Variants in ULK4 observed in about 807,000 individuals in gnomAD.
The protein encoded by ULK4 is unc-51 like kinase 4.
Under a neutral mutation model 160.6 loss-of-function variants are expected in ULK4, and 133 were observed. The ratio of observed to expected loss-of-function variants is 0.83; its 90% CI spans 0.72 to 0.96. The LOEUF is 0.96. Ranked by LOEUF, ULK4 falls within the 40% of genes least tolerant of loss-of-function variation. The probability of loss-of-function intolerance (pLI) is 0.00; values close to 1 mark genes in which losing one functional copy is unlikely to be tolerated. For missense variants in ULK4, 1,580 were observed against 1,499.5 expected, an observed-to-expected ratio of 1.05 and a Z score of -0.89; for synonymous variants, 534 against 539.8, an observed-to-expected ratio of 0.99 and a Z score of 0.15.
At chr3:41,572,749 G>A (rs2088040018) in intron 31 of ULK4, among the ~76,000 whole-genome samples, 1 of 141,476 alleles carries the variant, frequency 7.1e-6, no homozygotes, top group Non-Finnish European at 1.5e-5. Context: ...CTGGGCGACA[G>A]AGCAAGATTC....
intron 32 of ULK4, among the ~76,000 whole-genome samples, chr3:41,506,069 CA>C (rs767430114): frequency 1.9e-4 from 29 of 150,438 alleles, no homozygotes; most frequent in African/African-American, 7.1e-4. Flanking sequence ...GTGTATATAG[CA>C]AAAAAAACGA....
intron 35 of ULK4, among the ~76,000 whole-genome samples, chr3:41,324,198 A>G (rs895062531): frequency 2.0e-5 from 3 of 152,236 alleles, no homozygotes; most frequent in Non-Finnish European, 2.9e-5. Flanking sequence ...CCAAAGGGAC[A>G]TAAAGAAGAT....
In ULK4 at chr3:41,249,583, G is replaced by T; in HGVS notation, c.3679-9C>A. On this transcript the variant is annotated splice_polypyrimidine_tract_variant and intron_variant, in intron 35 of 36. Coordinates refer to ENST00000301831, the MANE Select transcript of ULK4 (RefSeq NM_017886.4). ...TTCTCATTGGAGGTGATCTGCAAGG[G>T]CAGGAGGAAGAAGACAGTGGTCAGC... 1 of 1,612,872 alleles carries T rather than the reference G, an allele frequency of 6.2e-7. No individual in the cohort carries two copies. Among genetic ancestry groups the T allele is most frequent in the Non-Finnish European group, 8.5e-7 (1 of 1,179,434 alleles).
chr3:41,567,070 C>A (rs1261951765), intron 31 of ULK4, among the ~76,000 whole-genome samples: 1 of 152,086 alleles, frequency 6.6e-6, no homozygotes, highest in South Asian at 2.1e-4. Context: ...AGTCCAACCC[C>A]GAAAAGCAAC....
chr3:41,420,411 T>C (rs568444437), intron 34 of ULK4, among the ~76,000 whole-genome samples: 11 of 151,546 alleles, frequency 7.3e-5, no homozygotes, highest in Non-Finnish European at 1.5e-4. Flanking sequence ...ACCTTTATTT[T>C]TGGCCATTTT....
intron 35 of ULK4, among the ~76,000 whole-genome samples, chr3:41,317,811 C>A (rs1385787518): frequency 1.3e-5 from 2 of 152,164 alleles, no homozygotes; most frequent in Non-Finnish European, 2.9e-5. Flanking sequence ...CTATCCAAAC[C>A]ACAGACTGAG....
At chr3:41,662,437 G>C (rs535392075) in intron 30 of ULK4, among the ~76,000 whole-genome samples, 18 of 152,328 alleles carry the variant, frequency 1.2e-4, no homozygotes, top group Admixed American at 8.5e-4. Flanking sequence ...CTTGTCACCA[G>C]TGACTCAGTC....
chr3:41,524,950 C>G (rs1274394035), intron 32 of ULK4, among the ~76,000 whole-genome samples: 1 of 151,724 alleles, frequency 6.6e-6, no homozygotes, highest in East Asian at 1.9e-4. Flanking sequence ...AAAGAACAAA[C>G]AAAAAACAAA....
intron 32 of ULK4, among the ~76,000 whole-genome samples, chr3:41,484,985 A>C (rs938574707): frequency 1.3e-5 from 2 of 152,254 alleles, no homozygotes; most frequent in African/African-American, 2.4e-5. Context: ...AAAGCTAAAA[A>C]TCAGACATTG....
chr3:41,648,499 A>G (rs112032756), intron 30 of ULK4, among the ~76,000 whole-genome samples: 1,980 of 152,348 alleles, frequency 0.013, 32 homozygotes, highest in African/African-American at 0.045. Flanking sequence ...TATGTAATAT[A>G]GTTTCTAATT....
chr3:41,321,358 A>G (rs2080241790), intron 35 of ULK4, among the ~76,000 whole-genome samples: 1 of 152,176 alleles, frequency 6.6e-6, no homozygotes, highest in African/African-American at 2.4e-5. Context: ...TATAGTACCC[A>G]GTGGCTGGAT....
At chr3:41,822,542 C>A (rs2041178910) in intron 18 of ULK4, among the ~76,000 whole-genome samples, 1 of 152,070 alleles carries the variant, frequency 6.6e-6, no homozygotes, top group South Asian at 2.1e-4. Flanking sequence ...CTCAACCTCC[C>A]AAGTAGCTGG....
At chr3:41,462,954 G>T (rs1414025366) in intron 33 of ULK4, 133 bp downstream of exon 33, 2 of 1,091,928 alleles carry the variant, frequency 1.8e-6, no homozygotes, top group East Asian at 2.7e-5. Flanking sequence ...CTCTTCAGAA[G>T]ACACTCTCTA....
intron 19 of ULK4, among the ~76,000 whole-genome samples, chr3:41,818,468 T>C (rs1203548070): frequency 6.6e-6 from 1 of 152,218 alleles, no homozygotes; most frequent in Non-Finnish European, 1.5e-5. Context: ...GCTCTGAATG[T>C]TAAACCCAAA....
chr3:41,800,727 G>A (rs1239212018), intron 19 of ULK4, among the ~76,000 whole-genome samples: 2 of 152,172 alleles, frequency 1.3e-5, no homozygotes, highest in Admixed American at 1.3e-4. Flanking sequence ...CGATCAATCA[G>A]AGTGGAAAGA....
At chr3:41,290,757 C>T (rs550625876) in intron 35 of ULK4, among the ~76,000 whole-genome samples, 5 of 152,364 alleles carry the variant, frequency 3.3e-5, no homozygotes, top group African/African-American at 1.2e-4. Flanking sequence ...CACGTATGCT[C>T]ATAAGCTGAA....
At chr3:41,796,963 A>G (rs2040317670) in intron 20 of ULK4, among the ~76,000 whole-genome samples, 1 of 152,190 alleles carries the variant, frequency 6.6e-6, no homozygotes, top group Non-Finnish European at 1.5e-5. Flanking sequence ...AGTCATCTTG[A>G]AGGGATCCCA....
intron 17 of ULK4, among the ~76,000 whole-genome samples, chr3:41,858,844 T>C (rs2042434262): frequency 6.6e-6 from 1 of 152,074 alleles, no homozygotes; most frequent in South Asian, 2.1e-4. Flanking sequence ...AGAAAAATAA[T>C]TTATTCCAAA....
At chr3:41,425,700 A>C (rs1218418801) in intron 34 of ULK4, among the ~76,000 whole-genome samples, 1 of 152,204 alleles carries the variant, frequency 6.6e-6, no homozygotes, top group East Asian at 1.9e-4. Flanking sequence ...GTTAAGGAGA[A>C]GTAAAATCCT....
Sources: gnomAD v4.1 joint callset for allele counts (sites outside exome capture counted in the v4.1 genomes callset) on GRCh38, gnomAD v4.1.1 for gene constraint, MANE v1.5 for transcripts, NCBI Gene and HGNC (gene_info 2026-07-23, HGNC 2026-07-21) for gene names.